The following ARHGEF28 variants were observed in gnomAD, a reference collection of about 807,000 sequenced individuals.
The protein encoded by ARHGEF28 is 190 kDa guanine nucleotide exchange factor.
ARHGEF28 carries 152 observed loss-of-function variants against 206.6 expected under a neutral mutation model. The observed-to-expected ratio is 0.74, with a 90% confidence interval of 0.64 to 0.84. The LOEUF is 0.84. ARHGEF28 is among the 40% of genes least tolerant of loss of function. The pLI is 0.00. For missense variants in ARHGEF28, 2,028 were observed against 2,073.2 expected (o/e 0.98, Z 0.42); for synonymous variants, 763 against 776.4 (o/e 0.98, Z 0.29).
intron 1 of ARHGEF28, among the ~76,000 whole-genome samples, chr5:73,662,425 G>A (rs966123269): frequency 6.6e-6 from 1 of 152,166 alleles, no homozygotes; most frequent in African/African-American, 2.4e-5. Context: ...ATTTTTTGGA[G>A]CACATCCAAT....
Position 73,846,308 on chromosome 5 carries a change from G to A in ARHGEF28, c.1468G>A (p.Gly490Arg), listed in dbSNP as rs1758355334. The A allele has an allele frequency of 1.2e-6, 2 of 1,613,750 alleles. No individual in the cohort carries two copies. Among genetic ancestry groups the A allele is most frequent in the East Asian group, 4.5e-5 (2 of 44,866 alleles). The change falls in exon 12 of 36, where the codon GGG becomes AGG. Residue 490 changes from glycine to arginine, a missense_variant. Gly to Arg is a moderately radical substitution (Grantham distance 125, BLOSUM62 -2). Transcript: ENST00000513042. ...CTTGGACGCCGACAGTGAAGGGGAA[G>A]GGCATTCTGAGCCATCCCACATCTG... is the stretch of plus-strand genomic sequence containing the variant. Reference protein sequence around the residue: ...DALDADSEGEGHSEPSHICYT... With the variant: ...DALDADSEGERHSEPSHICYT...
intron 4 of ARHGEF28, among the ~76,000 whole-genome samples, chr5:73,761,687 A>AT (rs1445039286): frequency 6.6e-6 from 1 of 152,166 alleles, no homozygotes; most frequent in Non-Finnish European, 1.5e-5. Flanking sequence ...TTCCACACCT[A>AT]TAACTGTAGT....
intron 27 of ARHGEF28, 110 bp from the exon 28 acceptor site, chr5:73,893,087 A>G: frequency 1.1e-6 from 1 of 904,294 alleles, no homozygotes; most frequent in Non-Finnish European, 1.6e-6. Context: ...TTATGCTGAA[A>G]TTTTCTCCTT....
intron 2 of ARHGEF28, among the ~76,000 whole-genome samples, chr5:73,693,945 T>C (rs1748014702): frequency 6.6e-6 from 1 of 152,148 alleles, no homozygotes; most frequent in African/African-American, 2.4e-5. Context: ...AGGACCATGG[T>C]AACTGTTTTA....
At chr5:73,697,432 A>G (rs926896242) in intron 2 of ARHGEF28, among the ~76,000 whole-genome samples, 7 of 152,236 alleles carry the variant, frequency 4.6e-5, no homozygotes, top group Admixed American at 4.6e-4. Context: ...TATCTTATAG[A>G]ACTAGAAGCT....
intron 1 of ARHGEF28, among the ~76,000 whole-genome samples, chr5:73,682,868 G>A (rs1747197947): frequency 6.6e-6 from 1 of 152,200 alleles, no homozygotes; most frequent in African/African-American, 2.4e-5. Context: ...CTTGGCCTAA[G>A]GAGCAGAACC....
At chr5:73,737,483 T>TTTTCTTTTCTTTTCTTTTCC (rs1751040059) in intron 2 of ARHGEF28, among the ~76,000 whole-genome samples, 1 of 121,024 alleles carries the variant, frequency 8.3e-6, no homozygotes, top group Non-Finnish European at 1.6e-5. Flanking sequence ...TTTTCTTTTC[T>TTTTCTTTTCTTTTCTTTTCC]TTTCTTTTCT....
intron 35 of ARHGEF28, among the ~76,000 whole-genome samples, chr5:73,928,614 T>C (rs1321115362): frequency 1.3e-5 from 2 of 152,286 alleles, no homozygotes; most frequent in South Asian, 2.1e-4. Context: ...CAGCTGTTTT[T>C]CCCTCTACTG....
chr5:73,789,737 T>C (rs764054055), intron 7 of ARHGEF28, among the ~76,000 whole-genome samples: 3 of 152,146 alleles, frequency 2.0e-5, no homozygotes, highest in Non-Finnish European at 4.4e-5. Context: ...CATGTTCACA[T>C]TGGTTCTCCT....
chr5:73,659,999 A>C (rs1332514863), intron 1 of ARHGEF28, among the ~76,000 whole-genome samples: 1 of 152,096 alleles, frequency 6.6e-6, no homozygotes, highest in African/African-American at 2.4e-5. Context: ...AAAATAAGAC[A>C]GTCATGAAGT....
intron 1 of ARHGEF28, among the ~76,000 whole-genome samples, chr5:73,661,689 A>G (rs1176351200): frequency 6.6e-6 from 1 of 152,064 alleles, no homozygotes; most frequent in Non-Finnish European, 1.5e-5. Context: ...GAAAGGCCCA[A>G]GGAGAGAGGC....
intron 2 of ARHGEF28, among the ~76,000 whole-genome samples, chr5:73,743,851 A>G (rs952398756): frequency 2.0e-5 from 3 of 152,196 alleles, no homozygotes; most frequent in African/African-American, 7.2e-5. Flanking sequence ...TTAAGAACAT[A>G]AAGGAAAGAT....
intron 2 of ARHGEF28, among the ~76,000 whole-genome samples, chr5:73,721,435 A>G (rs1191888888): frequency 6.6e-6 from 1 of 152,200 alleles, no homozygotes; most frequent in Non-Finnish European, 1.5e-5. Flanking sequence ...ATAGGGAAAA[A>G]TCTGAAACCT....
At chr5:73,863,086 T>C (rs1371744992) in intron 16 of ARHGEF28, 1 of 152,206 alleles carries the variant, frequency 6.6e-6, no homozygotes, top group Non-Finnish European at 1.5e-5. Context: ...GCATTTATTA[T>C]TAAAGTGGAA....
At chr5:73,774,547 A>T (rs1014669905) in intron 5 of ARHGEF28, among the ~76,000 whole-genome samples, 2 of 152,208 alleles carry the variant, frequency 1.3e-5, no homozygotes, top group Non-Finnish European at 2.9e-5. Context: ...TTTTGAATCA[A>T]TGAATAACAG....
At chr5:73,834,261 T>C (rs1281820256) in intron 10 of ARHGEF28, among the ~76,000 whole-genome samples, 2 of 152,190 alleles carry the variant, frequency 1.3e-5, no homozygotes, top group Non-Finnish European at 2.9e-5. Context: ...ATAGTCACCA[T>C]GTTGTACATT....
chr5:73,749,214 A>G (rs1289311392), intron 2 of ARHGEF28, among the ~76,000 whole-genome samples: 1 of 152,208 alleles, frequency 6.6e-6, no homozygotes, highest in Non-Finnish European at 1.5e-5. Flanking sequence ...TTTATTTGGC[A>G]ATGTTTGTAA....
At chr5:73,773,111 G>A (rs1753314690) in intron 4 of ARHGEF28, among the ~76,000 whole-genome samples, 2 of 152,170 alleles carry the variant, frequency 1.3e-5, no homozygotes, top group East Asian at 3.8e-4. Flanking sequence ...GCTTTCATTT[G>A]CCAGATACTG....
intron 2 of ARHGEF28, among the ~76,000 whole-genome samples, chr5:73,705,390 G>A (rs1397290523): frequency 2.6e-5 from 4 of 152,130 alleles, no homozygotes; most frequent in Admixed American, 2.6e-4. Flanking sequence ...CTCTGTTGAT[G>A]CCTGCCCACT....
Sources: gnomAD v4.1 joint callset for allele counts (sites outside exome capture counted in the v4.1 genomes callset) on GRCh38, gnomAD v4.1.1 for gene constraint, MANE v1.5 for transcripts, NCBI Gene and HGNC (gene_info 2026-07-23, HGNC 2026-07-21) for gene names.